The following PARM1 variants were observed in gnomAD, a reference collection of about 807,000 sequenced individuals.
PARM1 encodes the protein prostate androgen-regulated mucin-like protein 1.
Under a neutral mutation model 24.6 loss-of-function variants are expected in PARM1, and 14 were observed. The ratio of observed to expected loss-of-function variants is 0.57; its 90% confidence interval spans 0.38 to 0.89. The LOEUF is 0.89. PARM1 is among the 40% of genes least tolerant of loss of function. The pLI is 0.00. For synonymous variants in PARM1, 179 were observed against 156.6 expected, an observed-to-expected ratio of 1.14 and a Z score of -1.07; for missense variants, 362 against 380.4, an observed-to-expected ratio of 0.95 and a Z score of 0.40.
chr4:74,960,755 A>G (rs1721752788), intron 1 of PARM1, among the ~76,000 whole-genome samples: 1 of 151,960 alleles, frequency 6.6e-6, no homozygotes, highest in Non-Finnish European at 1.5e-5. Context: ...GTGCTCAAAG[A>G]CACAGCACTT....
At chr4:74,934,012 A>T (rs1320137067) in intron 1 of PARM1, among the ~76,000 whole-genome samples, 2 of 152,124 alleles carry the variant, frequency 1.3e-5, no homozygotes, top group African/African-American at 4.8e-5. Flanking sequence ...CGTATCCCAT[A>T]GAAGAAACTA....
chr4:74,940,485 A>G (rs1721282165), intron 1 of PARM1, among the ~76,000 whole-genome samples: 1 of 152,280 alleles, frequency 6.6e-6, no homozygotes, highest in South Asian at 2.1e-4. Flanking sequence ...TGTCTTCCTC[A>G]TGTGGTGGAA....
At chr4:74,963,289 T>G (rs1721820303) in intron 1 of PARM1, among the ~76,000 whole-genome samples, 1 of 152,222 alleles carries the variant, frequency 6.6e-6, no homozygotes, top group Non-Finnish European at 1.5e-5. Flanking sequence ...AAAAATGTGT[T>G]ATTTCTTAAA....
intron 3 of PARM1, among the ~76,000 whole-genome samples, chr4:75,041,012 C>A (rs1377378790): frequency 6.6e-6 from 1 of 152,128 alleles, no homozygotes; most frequent in Admixed American, 6.6e-5. Flanking sequence ...CCACCCACTT[C>A]TTCTATTTGT....
At chr4:74,938,153 C>T (rs779648637) in intron 1 of PARM1, among the ~76,000 whole-genome samples, 3 of 152,184 alleles carry the variant, frequency 2.0e-5, no homozygotes, top group Admixed American at 6.5e-5. Flanking sequence ...AATTTAACTT[C>T]AGCATTTGAC....
At chr4:74,997,422 T>C (rs555597641) in intron 1 of PARM1, among the ~76,000 whole-genome samples, 1 of 152,338 alleles carries the variant, frequency 6.6e-6, no homozygotes, top group East Asian at 1.9e-4. Flanking sequence ...ATGGGCATCA[T>C]GTTTATAGGA....
Position 74,933,245 on chromosome 4 carries a change from T to G in PARM1, c.-83T>G. Reference sequence around the variant, plus strand: ...CACCGCAGCCCACCCGGCAGAGGAGTCGCTACCAGCGCCCAGTGCGCTCTG... The same window carrying G: ...CACCGCAGCCCACCCGGCAGAGGAGGCGCTACCAGCGCCCAGTGCGCTCTG... On this transcript the variant is annotated 5_prime_UTR_variant, in exon 1 of 4. Transcript: ENST00000307428. 1 of 1,250,184 alleles carries G rather than the reference T, an allele frequency of 8.0e-7. No homozygotes were observed. The highest frequency in any genetic ancestry group is 2.4e-5 in the East Asian group (1 of 41,634). 77.4% of individuals were successfully genotyped at this position (1,250,184 alleles called of 1,614,324 possible). A position where few individuals can be genotyped will look rare whatever the true frequency, so the allele number is the denominator to read the frequency against.
At chr4:75,035,795 T>G (rs2109810614) in intron 3 of PARM1, among the ~76,000 whole-genome samples, 1 of 152,326 alleles carries the variant, frequency 6.6e-6, no homozygotes, top group East Asian at 1.9e-4. Flanking sequence ...AAGGGCCCGC[T>G]TGACCTGTTT....
intron 2 of PARM1, among the ~76,000 whole-genome samples, chr4:75,015,342 A>T (rs1448803460): frequency 2.6e-5 from 4 of 152,172 alleles, no homozygotes; most frequent in Admixed American, 6.5e-5. Context: ...TGGCTCATAA[A>T]CCTTGAAGTT....
rs192234572 is a variant in PARM1 at position 74,962,550 on chromosome 4, T to C, written c.43+29180T>C. Among the ~76,000 whole-genome samples, 122 of 152,300 alleles carry C rather than the reference T, an allele frequency of 8.0e-4. 4 individuals carry two copies. The highest frequency in any genetic ancestry group is 2.9e-3 in the African/African-American group (121 of 41,556). ...AACAATGTGATCCACCTATATACTA[T>C]CTACCAGAGACACTTCAGATCTAAA... On this transcript the variant is annotated intron_variant, in intron 1 of 3. Coordinates refer to ENST00000307428, the MANE Select transcript of PARM1 (RefSeq NM_015393.4).
At chr4:74,987,323 C>T (rs1722376793) in intron 1 of PARM1, among the ~76,000 whole-genome samples, 1 of 151,984 alleles carries the variant, frequency 6.6e-6, no homozygotes, top group Non-Finnish European at 1.5e-5. Flanking sequence ...CACAGAGACC[C>T]ATTTCTTTGT....
At chr4:75,005,693 A>G (rs1324213393) in intron 1 of PARM1, among the ~76,000 whole-genome samples, 1 of 152,238 alleles carries the variant, frequency 6.6e-6, no homozygotes, top group Non-Finnish European at 1.5e-5. Context: ...TGGTCTCCCC[A>G]TAGAGGACAA....
In PARM1 at chr4:75,030,242, C is replaced by T. The variant is rs116111626; in HGVS notation, c.770-3641C>T. Among the ~76,000 whole-genome samples the T allele has an allele frequency of 5.4e-3, 819 of 152,298 alleles. 5 individuals carry two copies. The highest frequency in any genetic ancestry group is 0.018 in the African/African-American group (761 of 41,552). On this transcript the variant is annotated intron_variant, in intron 2 of 3. Transcript: ENST00000307428. Reference sequence around the variant, plus strand: ...AATGATTAAAAATGCAAAACCAGGACTAAATAGTACTGGGTCCAAATGATA... The same window carrying T: ...AATGATTAAAAATGCAAAACCAGGATTAAATAGTACTGGGTCCAAATGATA...
intron 1 of PARM1, among the ~76,000 whole-genome samples, chr4:74,966,535 A>T (rs1267723807): frequency 6.6e-6 from 1 of 152,156 alleles, no homozygotes; most frequent in Non-Finnish European, 1.5e-5. Context: ...GGGTGGGGGA[A>T]TTCTCAATAA....
At position 74,943,937 on chromosome 4, in the gene PARM1, A is replaced by G. The variant is rs187473957; in HGVS notation, c.43+10567A>G. ...TCCTTGACCTTAGAGACCCTGTGCTACCTTCTTCGGTTGTTCTGAAATATG... is the reference window on the plus strand; with the variant it reads ...TCCTTGACCTTAGAGACCCTGTGCTGCCTTCTTCGGTTGTTCTGAAATATG... On this transcript the variant is annotated intron_variant, in intron 1 of 3. Coordinates refer to ENST00000307428, the MANE Select transcript of PARM1 (RefSeq NM_015393.4). Among the ~76,000 whole-genome samples the G allele has an allele frequency of 9.2e-5, 14 of 152,340 alleles. No homozygotes were observed. In the East Asian group the frequency reaches 2.5e-3, roughly 27 times the overall value.
At chr4:74,968,805 C>T (rs1200206383) in intron 1 of PARM1, among the ~76,000 whole-genome samples, 3 of 152,144 alleles carry the variant, frequency 2.0e-5, no homozygotes, top group Non-Finnish European at 4.4e-5. Flanking sequence ...GATGAAACTT[C>T]CTTGAACAGA....
chr4:75,013,029 C>T lies in PARM1; in HGVS notation c.648C>T (p.Pro216=). 1.2e-6 allele frequency: 2 copies of T among 1,613,950 alleles called. No homozygotes were observed. Among genetic ancestry groups the T allele is most frequent in the East Asian group, 2.2e-5 (1 of 44,882 alleles). ...PTSHATAEPV[P]QEKTPPTTVS... ...CACATGCCACAGCTGAGCCAGTACC[C>T]CAGGAGAAAACACCCCCAACAACTG... is the stretch of plus-strand genomic sequence containing the variant. The change falls in exon 2 of 4, where the codon CCC becomes CCT. Residue 216 remains proline, a synonymous_variant. Coordinates refer to ENST00000307428, the MANE Select transcript of PARM1 (RefSeq NM_015393.4).
At chr4:75,034,007 G>A in intron 3 of PARM1, 46 bp downstream of exon 3, 2 of 1,453,254 alleles carry the variant, frequency 1.4e-6, no homozygotes, top group Non-Finnish European at 9.5e-7. Flanking sequence ...TGTTTTGTTG[G>A]GCTCTGGGCT....
intron 1 of PARM1, among the ~76,000 whole-genome samples, chr4:74,953,146 A>G (rs971531172): frequency 1.3e-5 from 2 of 152,180 alleles, no homozygotes; most frequent in African/African-American, 4.8e-5. Flanking sequence ...GTAGCTACCT[A>G]TTTCATGTTC....
Sources: allele counts gnomAD v4.1 joint callset (sites outside exome capture counted in the v4.1 genomes callset), GRCh38; gene constraint gnomAD v4.1.1; transcripts MANE v1.5; gene names NCBI Gene and HGNC (gene_info 2026-07-23, HGNC 2026-07-21).